The following MYO16 variants were observed in gnomAD, a reference collection of about 807,000 sequenced individuals.
MYO16 encodes the protein unconventional myosin-XVI.
Under a neutral mutation model 205.3 loss-of-function variants are expected in MYO16, and 94 were observed. The observed-to-expected ratio is 0.46, with a 90% CI of 0.39 to 0.54. MYO16 has a LOEUF of 0.54. Among genes scored for constraint, MYO16 ranks in the 20% least tolerant of loss-of-function variants. The probability of loss-of-function intolerance (pLI) is 0.00; values close to 1 mark genes in which losing one functional copy is unlikely to be tolerated. For synonymous variants in MYO16, 988 were observed against 954.0 expected (o/e 1.04, Z -0.66); for missense variants, 2,315 against 2,387.5 (o/e 0.97, Z 0.63).
intron 16 of MYO16, among the ~76,000 whole-genome samples, chr13:108,918,765 C>G (rs930072761): frequency 2.0e-5 from 3 of 152,094 alleles, no homozygotes; most frequent in African/African-American, 7.2e-5. Flanking sequence ...ATGGTGAAAC[C>G]CCATCTCTAC....
At chr13:108,775,635 G>A (rs1438383965) in intron 4 of MYO16, among the ~76,000 whole-genome samples, 1 of 152,070 alleles carries the variant, frequency 6.6e-6, no homozygotes, top group Admixed American at 6.6e-5. Flanking sequence ...CTGACATTTG[G>A]ATGAAGTCTT....
the MYO16 span, among the ~76,000 whole-genome samples, chr13:108,584,128 T>C: frequency 6.6e-6 from 1 of 152,070 alleles, no homozygotes; most frequent in Non-Finnish European, 1.5e-5. Flanking sequence ...TAATTTTTTG[T>C]ATTTTTAGTA....
At chr13:108,884,152 T>G (rs1879746082) in intron 13 of MYO16, among the ~76,000 whole-genome samples, 4 of 152,164 alleles carry the variant, frequency 2.6e-5, no homozygotes, top group Admixed American at 2.6e-4. Flanking sequence ...AGCACACAAC[T>G]CGAGTCAAAG....
chr13:108,649,400 A>G (rs557348998), intron 1 of MYO16, among the ~76,000 whole-genome samples: 114 of 152,210 alleles, frequency 7.5e-4, no homozygotes, highest in Non-Finnish European at 1.2e-3. Flanking sequence ...CAATGTTTCT[A>G]CTAACTTTCA....
chr13:108,822,995 G>GT (rs1340584261), intron 8 of MYO16, 130 bp from the exon 9 acceptor site: 2 of 849,282 alleles, frequency 2.4e-6, no homozygotes, highest in African/African-American at 1.7e-5. Flanking sequence ...AACTTTTAAG[G>GT]TTTTTTGTTT....
At chr13:108,773,863 T>C (rs1057436893) in intron 4 of MYO16, among the ~76,000 whole-genome samples, 1 of 152,062 alleles carries the variant, frequency 6.6e-6, no homozygotes, top group African/African-American at 2.4e-5. Flanking sequence ...TGCCATTAGA[T>C]AGATAATTCA....
intron 28 of MYO16, among the ~76,000 whole-genome samples, chr13:109,117,729 A>G (rs774342203): frequency 6.6e-6 from 1 of 152,120 alleles, no homozygotes; most frequent in Admixed American, 6.6e-5. Context: ...ACAGAGAAGC[A>G]GCAGTTGCAG....
chr13:109,123,555 C>T (rs1876099651), intron 29 of MYO16, among the ~76,000 whole-genome samples: 1 of 152,100 alleles, frequency 6.6e-6, no homozygotes, highest in Non-Finnish European at 1.5e-5. Context: ...CACTTTACTC[C>T]ACATTTTATA....
At chr13:108,675,495 A>G (rs9301310) in intron 2 of MYO16, among the ~76,000 whole-genome samples, 49,130 of 152,092 alleles carry the variant, frequency 0.32, 8,270 homozygotes, top group African/African-American at 0.41. Context: ...TCATATTTCT[A>G]AGAAATATTA....
chr13:108,725,135 G>C (rs932886970), intron 3 of MYO16, among the ~76,000 whole-genome samples: 1 of 152,016 alleles, frequency 6.6e-6, no homozygotes, highest in African/African-American at 2.4e-5. Context: ...AGTTAAATTT[G>C]AGTCTTTTTA....
At chr13:108,551,128 A>T in the MYO16 span, among the ~76,000 whole-genome samples, 2 of 151,578 alleles carry the variant, frequency 1.3e-5, no homozygotes, top group African/African-American at 4.8e-5. Context: ...GTTCTAAAAA[A>T]CTCCATCTGT....
At chr13:108,547,080 G>A in the MYO16 span, among the ~76,000 whole-genome samples, 8 of 152,044 alleles carry the variant, frequency 5.3e-5, no homozygotes, top group African/African-American at 1.9e-4. Context: ...AGATCATCCT[G>A]GCTAACACAG....
intron 16 of MYO16, among the ~76,000 whole-genome samples, chr13:108,915,075 A>G (rs1881432161): frequency 6.6e-6 from 1 of 152,272 alleles, no homozygotes; most frequent in Non-Finnish European, 1.5e-5. Context: ...ATGTAAAACT[A>G]CTTTCCTGTT....
intron 11 of MYO16, among the ~76,000 whole-genome samples, chr13:108,857,983 C>T (rs1439195734): frequency 1.3e-5 from 2 of 152,154 alleles, no homozygotes; most frequent in Non-Finnish European, 2.9e-5. Flanking sequence ...AAAGCTCAAT[C>T]GATTAGGATC....
At chr13:108,533,968 G>T in the MYO16 span, among the ~76,000 whole-genome samples, 1 of 152,072 alleles carries the variant, frequency 6.6e-6, no homozygotes, top group African/African-American at 2.4e-5. Flanking sequence ...GTTTTGCATA[G>T]TTGTGAAAGC....
intron 34 of MYO16, among the ~76,000 whole-genome samples, chr13:109,200,102 C>G (rs534164412): frequency 1.3e-5 from 2 of 152,184 alleles, no homozygotes; most frequent in Non-Finnish European, 2.9e-5. Flanking sequence ...CTGGCCTCCT[C>G]TTCTGATCTT....
chr13:108,832,667 C>G (rs1290445521), intron 9 of MYO16, among the ~76,000 whole-genome samples: 1 of 152,086 alleles, frequency 6.6e-6, no homozygotes. Context: ...TGTATAGTTT[C>G]ACTTCACATT....
intron 32 of MYO16, among the ~76,000 whole-genome samples, chr13:109,154,306 T>A (rs1877865148): frequency 6.6e-6 from 1 of 152,062 alleles, no homozygotes; most frequent in Admixed American, 6.6e-5. Flanking sequence ...CCCACGTCCA[T>A]CCCACCGCCT....
rs913404463 is a variant in MYO16 at position 108,719,995 on chromosome 13, A to C, written c.363+7264A>C. ...AAGGATAACAGGTTTTTAGGATTTTAAAATTTCTGGATGTGGTTCGGTGTT... is the reference window on the plus strand; with the variant it reads ...AAGGATAACAGGTTTTTAGGATTTTCAAATTTCTGGATGTGGTTCGGTGTT... On this transcript the variant is annotated intron_variant, in intron 3 of 34. Transcript: ENST00000457511. Among the ~76,000 whole-genome samples the C allele has an allele frequency of 2.6e-5, 4 of 152,214 alleles. No homozygotes were observed. The East Asian group carries it at 7.7e-4, about 29-fold the overall frequency.
Sources: allele counts gnomAD v4.1 joint callset (sites outside exome capture counted in the v4.1 genomes callset), GRCh38; gene constraint gnomAD v4.1.1; transcripts MANE v1.5; gene names NCBI Gene and HGNC (gene_info 2026-07-23, HGNC 2026-07-21).